Variants in UVRAG observed in about 807,000 individuals in gnomAD.
The protein encoded by UVRAG is UV radiation resistance-associated gene protein.
A neutral mutation model predicts 78.0 loss-of-function variants in UVRAG; 19 were observed. That is an observed-to-expected ratio of 0.24 (90% confidence interval 0.17 to 0.36). The LOEUF is 0.36. Ranked by LOEUF, UVRAG falls within the 10% of genes least tolerant of loss-of-function variation. The pLI is 1.00. For synonymous variants in UVRAG, 323 were observed against 324.6 expected (o/e 1.00, Z 0.05); for missense variants, 740 against 853.8 (o/e 0.87, Z 1.66).
chr11:76,064,930 A>C (rs1368613632), intron 12 of UVRAG, among the ~76,000 whole-genome samples: 5 of 152,250 alleles, frequency 3.3e-5, no homozygotes, highest in Admixed American at 3.3e-4. Context: ...AATCTGTATC[A>C]GATGCTAAAA....
rs757063839 is a variant in UVRAG at position 75,851,892 on chromosome 11, C to T, written c.127C>T (p.Arg43Ter). ...TGTTGTTATTTTTCAGCGGCGTCTT[C>T]GACATCTTCGGAACATTGCTGCCCG... ...VELPSQQRRLRHLRNIAARNI... is the reference protein window; with the variant it reads ...VELPSQQRRL Residue 43 changes from arginine (R) to a stop codon, truncating the protein, a stop_gained, in exon 2 of 15, where the codon CGA (arginine) becomes TGA (stop). Transcript: ENST00000356136. LOFTEE classifies it high-confidence loss of function. 1.9e-6 allele frequency: 3 copies of T among 1,608,188 alleles called. No homozygotes were observed. Among genetic ancestry groups the T allele is most frequent in the Non-Finnish European group, 2.5e-6 (3 of 1,178,620 alleles).
Position 76,141,001 on chromosome 11 carries a change from A to G in UVRAG, c.1688A>G (p.Lys563Arg), listed in dbSNP as rs1952712092. The part of the protein sequence containing the change: ...TSLDFSKENK[K>R]KGEDLVGSLN... ...TTGGACTTCTCCAAAGAAAACAAGA[A>G]AAAAGGAGAGGATCTAGTTGGCAGC... The change falls in exon 15 of 15, where the codon AAA becomes AGA. Residue 563 changes from lysine (K) to arginine (R), a missense_variant. Coordinates refer to ENST00000356136, the MANE Select transcript of UVRAG (RefSeq NM_003369.4). 1 of 1,614,190 alleles carries G rather than the reference A, an allele frequency of 6.2e-7. No individual in the cohort carries two copies. The highest frequency in any genetic ancestry group is 8.5e-7 in the Non-Finnish European group (1 of 1,180,044).
At chr11:75,860,359 C>A (rs1247709501) in intron 2 of UVRAG, among the ~76,000 whole-genome samples, 1 of 152,186 alleles carries the variant, frequency 6.6e-6, no homozygotes, top group Non-Finnish European at 1.5e-5. Flanking sequence ...AAGGAATTCG[C>A]TTTCTCAAAA....
intron 6 of UVRAG, among the ~76,000 whole-genome samples, chr11:75,957,887 A>G (rs1016340408): frequency 2.4e-4 from 37 of 152,220 alleles, no homozygotes; most frequent in African/African-American, 8.7e-4. Context: ...CTACCCCAAT[A>G]AAGCAAATAT....
rs775010305 is a variant in UVRAG at position 75,983,425 on chromosome 11, G to C, written c.738G>C (p.Val246=). Residue 246 remains valine (V), a synonymous_variant, in exon 8 of 15, where the codon GTG becomes GTC. Coordinates refer to ENST00000356136, the MANE Select transcript of UVRAG (RefSeq NM_003369.4). Reference sequence around the variant, plus strand: ...AATGCCTGCAGTTAAAAATTTTGGTGCTTCAGAATGAACTGGAACGGCAGA... The same window carrying C: ...AATGCCTGCAGTTAAAAATTTTGGTCCTTCAGAATGAACTGGAACGGCAGA... ...KSECLQLKIL[V]LQNELERQKK... The C allele has an allele frequency of 1.2e-6, 2 of 1,604,322 alleles. No individual in the cohort carries two copies. Among genetic ancestry groups the C allele is most frequent in the South Asian group, 1.1e-5 (1 of 88,142 alleles).
Position 76,141,078 on chromosome 11 carries a change from C to T in UVRAG, c.1765C>T (p.Leu589Phe). The T allele has an allele frequency of 6.2e-7, 1 of 1,614,172 alleles. No individual in the cohort carries two copies. The highest frequency in any genetic ancestry group is 8.5e-7 in the Non-Finnish European group (1 of 1,180,038). ...VHPSQEQGEA[L>F]SGHRATVNGT... Reference sequence around the variant, plus strand: ...CCCTAGCCAAGAACAAGGAGAAGCCCTCTCCGGGCACCGGGCCACAGTCAA... The same window carrying T: ...CCCTAGCCAAGAACAAGGAGAAGCCTTCTCCGGGCACCGGGCCACAGTCAA... Residue 589 changes from leucine (L) to phenylalanine (F), a missense_variant, in exon 15 of 15, where the codon CTC (leucine) becomes TTC (phenylalanine). Physicochemically the swap from Leu to Phe is conservative, Grantham distance 22. Transcript: ENST00000356136.
At chr11:76,011,971 G>T (rs1330491869) in intron 11 of UVRAG, among the ~76,000 whole-genome samples, 1 of 152,178 alleles carries the variant, frequency 6.6e-6, no homozygotes, top group East Asian at 1.9e-4. Flanking sequence ...GAAATAAAAT[G>T]ATGTTTTCCA....
At chr11:76,091,918 T>C (rs1204381000) in intron 13 of UVRAG, among the ~76,000 whole-genome samples, 2 of 152,110 alleles carry the variant, frequency 1.3e-5, no homozygotes, top group Non-Finnish European at 2.9e-5. Flanking sequence ...ATGTGCCTTG[T>C]TGGTGTGCTG....
chr11:75,924,359 T>C (rs568737177), intron 6 of UVRAG, among the ~76,000 whole-genome samples: 26 of 152,098 alleles, frequency 1.7e-4, no homozygotes, highest in Non-Finnish European at 3.5e-4. Context: ...TAATGAAAAA[T>C]TCATGTTGAA....
chr11:75,862,745 A>G (rs1424582507), intron 3 of UVRAG, among the ~76,000 whole-genome samples: 1 of 152,068 alleles, frequency 6.6e-6, no homozygotes, highest in Non-Finnish European at 1.5e-5. Context: ...TATTTTCTTT[A>G]AAGTGTTCAT....
In UVRAG at chr11:76,140,708, T is replaced by C; in HGVS notation, c.1398-3T>C. ...TAACTTCTTGTTTTTGTTTCTCTTCTAGTGACAGACATCACACCTCCAGTG... is the reference window on the plus strand; with the variant it reads ...TAACTTCTTGTTTTTGTTTCTCTTCCAGTGACAGACATCACACCTCCAGTG... On this transcript the variant is annotated splice_polypyrimidine_tract_variant and splice_region_variant and intron_variant, in intron 14 of 14. Transcript: ENST00000356136. The C allele has an allele frequency of 6.4e-7, 1 of 1,561,396 alleles. No individual in the cohort carries two copies.
At chr11:75,938,462 G>T (rs1256978431) in intron 6 of UVRAG, among the ~76,000 whole-genome samples, 1 of 152,056 alleles carries the variant, frequency 6.6e-6, no homozygotes, top group Non-Finnish European at 1.5e-5. Flanking sequence ...ATATTTTTGT[G>T]TTCCTATAAA....
intron 14 of UVRAG, among the ~76,000 whole-genome samples, chr11:76,137,923 T>A (rs992864597): frequency 6.6e-6 from 1 of 152,086 alleles, no homozygotes; most frequent in African/African-American, 2.4e-5. Flanking sequence ...AATTTTTTTT[T>A]AAATTAAAAA....
chr11:75,896,964 A>G (rs1354472024), intron 5 of UVRAG, among the ~76,000 whole-genome samples: 3 of 152,240 alleles, frequency 2.0e-5, no homozygotes, highest in Non-Finnish European at 1.5e-5. Context: ...ATAGAGATAC[A>G]AGTAAGAATT....
intron 7 of UVRAG, among the ~76,000 whole-genome samples, chr11:75,980,353 A>G (rs12290027): frequency 2.6e-4 from 39 of 152,032 alleles, no homozygotes; most frequent in African/African-American, 9.4e-4. Context: ...ATTTTTATGG[A>G]TGGGGTTTCA....
intron 13 of UVRAG, among the ~76,000 whole-genome samples, chr11:76,069,360 A>G (rs1951257714): frequency 6.6e-6 from 1 of 152,162 alleles, no homozygotes; most frequent in South Asian, 2.1e-4. Flanking sequence ...TTTCAGCACC[A>G]TATATTAATA....
intron 2 of UVRAG, among the ~76,000 whole-genome samples, chr11:75,855,258 A>G (rs928754218): frequency 1.3e-5 from 2 of 152,226 alleles, no homozygotes; most frequent in Non-Finnish European, 2.9e-5. Context: ...AGATATCTCA[A>G]TCCAATCCTC....
chr11:76,073,268 T>A (rs1951347438), intron 13 of UVRAG, among the ~76,000 whole-genome samples: 1 of 152,168 alleles, frequency 6.6e-6, no homozygotes. Flanking sequence ...GAAAAGCACA[T>A]GTGCAATCGA....
At chr11:75,969,091 C>G (rs1949079719) in intron 7 of UVRAG, among the ~76,000 whole-genome samples, 1 of 152,154 alleles carries the variant, frequency 6.6e-6, no homozygotes, top group Non-Finnish European at 1.5e-5. Context: ...CACCATCCAT[C>G]TCCAGAAGTC....
Sources: gnomAD v4.1 joint callset for allele counts (sites outside exome capture counted in the v4.1 genomes callset) on GRCh38, gnomAD v4.1.1 for gene constraint, MANE v1.5 for transcripts, NCBI Gene and HGNC (gene_info 2026-07-23, HGNC 2026-07-21) for gene names.